Variants in DISP1 observed in about 807,000 individuals in gnomAD.
DISP1 encodes the protein dispatched RND transporter family member 1.
DISP1 carries 30 observed loss-of-function variants against 37.3 expected under a neutral mutation model. The observed-to-expected ratio is 0.80, with a 90% CI of 0.60 to 1.09. The LOEUF (loss-of-function observed/expected upper bound fraction) is 1.09, where lower values mean the gene tolerates loss of function less well. Ranked by LOEUF, DISP1 falls within the 50% of genes least tolerant of loss-of-function variation. The pLI is 0.00. For synonymous variants in DISP1, 634 were observed against 690.2 expected, an observed-to-expected ratio of 0.92 and a Z score of 1.28; for missense variants, 1,598 against 1,879.5, an observed-to-expected ratio of 0.85 and a Z score of 2.77.
chr1:222,815,922 T>C (rs896260567), intron 1 of DISP1, among the ~76,000 whole-genome samples: 2 of 152,224 alleles, frequency 1.3e-5, no homozygotes, highest in African/African-American at 4.8e-5. Flanking sequence ...ATTGTTTTTC[T>C]GTCCAACTTT....
rs1007913743 is a variant in DISP1 at position 222,893,119 on chromosome 1, C to A, written c.-158-35311C>A. Among the ~76,000 whole-genome samples the A allele has an allele frequency of 2.6e-5, 4 of 151,900 alleles. No individual in the cohort carries two copies. The highest frequency in any genetic ancestry group is 9.7e-5 in the African/African-American group (4 of 41,340). On this transcript the variant is annotated intron_variant, in intron 1 of 8. Transcript: ENST00000675850. The surrounding 1 kb of genome is among the most constrained non-coding windows in gnomAD (Gnocchi z 4.3). Reference sequence around the variant, plus strand: ...TCAGGTATAGATCATTTTTATGTTACGAAAATATCGATCTTATCACAATAC... The same window carrying A: ...TCAGGTATAGATCATTTTTATGTTAAGAAAATATCGATCTTATCACAATAC...
intron 1 of DISP1, among the ~76,000 whole-genome samples, chr1:222,919,578 C>T (rs544866469): frequency 3.3e-5 from 5 of 152,284 alleles, no homozygotes; most frequent in African/African-American, 7.2e-5. Flanking sequence ...TTCATTTCTG[C>T]GTCTGTCCCC....
intron 2 of DISP1, 131 bp downstream of exon 2, chr1:222,928,701 G>T (rs1212427968): frequency 2.0e-5 from 3 of 149,528 alleles, no homozygotes; most frequent in Admixed American, 2.0e-4. Flanking sequence ...TCACTGTTTT[G>T]TTTTTTTTTC....
chr1:222,852,622 T>A (rs1668332338), intron 1 of DISP1, among the ~76,000 whole-genome samples: 1 of 152,250 alleles, frequency 6.6e-6, no homozygotes, highest in Non-Finnish European at 1.5e-5. Context: ...TTTACACATC[T>A]TGTTCATGTT....
intron 1 of DISP1, among the ~76,000 whole-genome samples, chr1:222,842,193 T>C (rs1667647324): frequency 6.6e-6 from 1 of 152,122 alleles, no homozygotes; most frequent in Non-Finnish European, 1.5e-5. Context: ...TATGCAGCTC[T>C]TTTTTAAAGC....
intron 1 of DISP1, among the ~76,000 whole-genome samples, chr1:222,823,428 T>G (rs1663456564): frequency 6.6e-6 from 1 of 152,148 alleles, no homozygotes; most frequent in South Asian, 2.1e-4. Flanking sequence ...GAGAAATAAC[T>G]TAGAAAGTCA....
chr1:222,858,233 A>G (rs1668657501), intron 1 of DISP1, among the ~76,000 whole-genome samples: 1 of 152,196 alleles, frequency 6.6e-6, no homozygotes, highest in Non-Finnish European at 1.5e-5. Context: ...TATTATCTAT[A>G]GTATCTATAC....
chr1:222,897,360 G>T (rs561541332), intron 1 of DISP1, among the ~76,000 whole-genome samples: 19 of 152,270 alleles, frequency 1.2e-4, no homozygotes, highest in Admixed American at 5.2e-4. Flanking sequence ...ACTTTTGGTG[G>T]TGATGGAAAT....
chr1:222,845,978 T>C (rs1310763663), intron 1 of DISP1, among the ~76,000 whole-genome samples: 2 of 152,242 alleles, frequency 1.3e-5, no homozygotes. Flanking sequence ...ACAAGGCTTC[T>C]GCTTTTTGTA....
chr1:222,907,403 C>T lies in DISP1; in HGVS notation c.-158-21027C>T, dbSNP rs559627241. On this transcript the variant is annotated intron_variant, in intron 1 of 8. Coordinates refer to ENST00000675850, the MANE Select transcript of DISP1 (RefSeq NM_001377229.1). ...TAGCAGCTTTAGCATCATCTGGGAG[C>T]TGGTTAGAAATGCAAATTCTAGGGC... Among the ~76,000 whole-genome samples the T allele has an allele frequency of 3.3e-5, 5 of 152,226 alleles. No homozygotes were observed. The East Asian group carries it at 9.7e-4, about 29-fold the overall frequency.
At chr1:222,989,817 T>C (rs866969501) in intron 4 of DISP1, among the ~76,000 whole-genome samples, 1,690 of 152,080 alleles carry the variant, frequency 0.011, 38 homozygotes, top group African/African-American at 0.039. Flanking sequence ...TTTTTTTTTT[T>C]TTTGAGACAG....
At chr1:222,970,338 T>TA (rs2102638197) in intron 3 of DISP1, among the ~76,000 whole-genome samples, 1 of 152,302 alleles carries the variant, frequency 6.6e-6, no homozygotes, top group East Asian at 1.9e-4. Context: ...TCTTTTTTTT[T>TA]ATTAAGCCAT....
intron 1 of DISP1, among the ~76,000 whole-genome samples, chr1:222,922,919 T>G (rs1672886925): frequency 6.6e-6 from 1 of 151,884 alleles, no homozygotes. Context: ...ACCAACAAAG[T>G]TGGTAAATGA....
Position 223,002,373 on chromosome 1 carries a change from C to T in DISP1, c.988-12C>T, listed in dbSNP as rs1406550073. 29 of 1,612,194 alleles carry T rather than the reference C, an allele frequency of 1.8e-5. No homozygotes were observed. Among genetic ancestry groups the T allele is most frequent in the Non-Finnish European group, 2.5e-5 (29 of 1,178,504 alleles). ...TAAACTGTAGTCCTTCTGCTTGTCT[C>T]TATCTCTGCAGATCAGATCTCATCC... On this transcript the variant is annotated splice_polypyrimidine_tract_variant and intron_variant, in intron 8 of 8. Coordinates refer to ENST00000675850, the MANE Select transcript of DISP1 (RefSeq NM_001377229.1).
chr1:222,981,852 T>A (rs1364258204), intron 3 of DISP1, among the ~76,000 whole-genome samples: 1 of 152,214 alleles, frequency 6.6e-6, no homozygotes. Context: ...AATTATTCAG[T>A]CAGCAAATAT....
intron 8 of DISP1, among the ~76,000 whole-genome samples, chr1:223,000,508 C>T (rs1279381096): frequency 6.6e-6 from 1 of 152,138 alleles, no homozygotes; most frequent in Non-Finnish European, 1.5e-5. Flanking sequence ...TATTTTAGTA[C>T]ATTTGAACAA....
At chr1:222,879,631 G>A (rs1281589130) in intron 1 of DISP1, among the ~76,000 whole-genome samples, 1 of 152,004 alleles carries the variant, frequency 6.6e-6, no homozygotes, top group African/African-American at 2.4e-5. Flanking sequence ...AAAGATGTAA[G>A]GCAAGTTAGT....
intron 1 of DISP1, among the ~76,000 whole-genome samples, chr1:222,920,031 C>T (rs749629259): frequency 1.3e-5 from 2 of 152,112 alleles, no homozygotes; most frequent in African/African-American, 2.4e-5. Context: ...TATATTCCTA[C>T]GGAGTCTAAC....
At chr1:222,842,000 T>G (rs1572312052) in intron 1 of DISP1, among the ~76,000 whole-genome samples, 1 of 152,226 alleles carries the variant, frequency 6.6e-6, no homozygotes, top group East Asian at 1.9e-4. Flanking sequence ...TAATGAATTT[T>G]GAACCTAGTA....
Sources: gnomAD v4.1 joint callset for allele counts (sites outside exome capture counted in the v4.1 genomes callset) on GRCh38, gnomAD v4.1.1 for gene constraint, Gnocchi (gnomAD v3.1) non-coding constraint, MANE v1.5 for transcripts, NCBI Gene and HGNC (gene_info 2026-07-23, HGNC 2026-07-21) for gene names.